The following DENND3 variants were observed in gnomAD, a reference collection of about 807,000 sequenced individuals.
DENND3 encodes DENN domain containing 3, also known as DENN domain-containing protein 3.
DENND3 carries 88 observed loss-of-function variants against 135.1 expected under a neutral mutation model. That is an observed-to-expected ratio of 0.65 (90% CI 0.55 to 0.78). The LOEUF is 0.78. DENND3 is among the 30% of genes least tolerant of loss of function. The probability of loss-of-function intolerance (pLI) is 0.00; values close to 1 mark genes in which losing one functional copy is unlikely to be tolerated. For synonymous variants in DENND3, 693 were observed against 712.3 expected (o/e 0.97, Z 0.43); for missense variants, 1,392 against 1,688.4 (o/e 0.82, Z 3.08).
At chr8:141,183,521 G>A (rs1018265349) in intron 17 of DENND3, among the ~76,000 whole-genome samples, 22 of 151,060 alleles carry the variant, frequency 1.5e-4, no homozygotes, top group African/African-American at 4.4e-4. Context: ...ACTCCAAAGC[G>A]CTGGGTTAGA....
intron 7 of DENND3, 21 bp downstream of exon 7, chr8:141,151,858 C>T (rs170089): frequency 0.14 from 228,968 of 1,610,970 alleles, 25,856 homozygotes; most frequent in African/African-American, 0.51. Context: ...GAACCTTTGA[C>T]TTGGAATGCT....
chr8:141,168,617 C>T lies in DENND3; in HGVS notation c.2275+92C>T. 1 of 1,447,628 alleles carries T rather than the reference C, an allele frequency of 6.9e-7. No homozygotes were observed. Among genetic ancestry groups the T allele is most frequent in the Non-Finnish European group, 9.2e-7 (1 of 1,084,700 alleles). The allele number at this position is 1,447,628 out of a possible 1,614,324, so 89.7% of individuals were successfully genotyped here. A position where few individuals can be genotyped will look rare whatever the true frequency, so the allele number is the denominator to read the frequency against. Reference sequence around the variant, plus strand: ...GGCTGGAGTGGACTGGCAATCACAGCTCACTGCAACCTCCACCTCCTGGGC... The same window carrying T: ...GGCTGGAGTGGACTGGCAATCACAGTTCACTGCAACCTCCACCTCCTGGGC... On this transcript the variant is annotated intron_variant, in intron 13 of 22. Coordinates refer to ENST00000519811, the MANE Select transcript of DENND3 (RefSeq NM_001352890.3). This position sits in a 1 kb window ranked among gnomAD's most constrained non-coding sequence, Gnocchi z 6.2.
chr8:141,182,536 C>A lies in DENND3; in HGVS notation c.2944+1682C>A. On this transcript the variant is annotated intron_variant, in intron 17 of 22. Coordinates refer to ENST00000519811, the MANE Select transcript of DENND3 (RefSeq NM_001352890.3). The surrounding 1 kb of genome is among the most constrained non-coding windows in gnomAD (Gnocchi z 5.9). ...TCCCTGAAATGAAACTCACTCTGAG[C>A]TTCCTGTTGTGACGGGCGAGGAGTT... 1 of 967,654 alleles carries A rather than the reference C, an allele frequency of 1.0e-6. No individual in the cohort carries two copies. The highest frequency in any genetic ancestry group is 1.2e-6 in the Non-Finnish European group (1 of 813,826). The allele number at this position is 967,654 out of a possible 1,614,324, so 59.9% of individuals were successfully genotyped here.
chr8:141,140,750 G>C (rs930121755), intron 3 of DENND3, among the ~76,000 whole-genome samples: 1 of 152,170 alleles, frequency 6.6e-6, no homozygotes, highest in Non-Finnish European at 1.5e-5. Context: ...TTTGCCACTT[G>C]TAAGTTCCAC....
At chr8:141,145,698 G>A (rs952701212) in intron 5 of DENND3, among the ~76,000 whole-genome samples, 2 of 151,198 alleles carry the variant, frequency 1.3e-5, no homozygotes, top group African/African-American at 4.9e-5. Flanking sequence ...TCAGTTCATA[G>A]CTCCCTATGC....
chr8:141,140,140 T>C (rs1817275735), intron 3 of DENND3, among the ~76,000 whole-genome samples: 1 of 152,178 alleles, frequency 6.6e-6, no homozygotes, highest in African/African-American at 2.4e-5. Context: ...CTTGAACTAC[T>C]GGAATCCTGC....
At chr8:141,181,730 CAAAG>C (rs943894403) in intron 17 of DENND3, among the ~76,000 whole-genome samples, 5 of 151,318 alleles carry the variant, frequency 3.3e-5, no homozygotes, top group Non-Finnish European at 7.3e-5. Flanking sequence ...GTGTGGAAAA[CAAAG>C]GAATACAGTT....
intron 10 of DENND3, 27 bp from the exon 11 acceptor site, chr8:141,165,159 A>G (rs1432667506): frequency 6.3e-7 from 1 of 1,595,692 alleles, no homozygotes; most frequent in Admixed American, 1.7e-5. Flanking sequence ...GGCACAGCCC[A>G]GTGACCAGCC....
chr8:141,192,851 C>G (rs1479749625), intron 22 of DENND3, 188 bp downstream of exon 22: 2 of 1,538,630 alleles, frequency 1.3e-6, no homozygotes, highest in Admixed American at 3.9e-5. Flanking sequence ...GTGCTGGTTT[C>G]ATGGTGTGGT....
intron 6 of DENND3, 104 bp downstream of exon 6, chr8:141,151,057 A>C: frequency 2.1e-6 from 3 of 1,395,458 alleles, no homozygotes; most frequent in Non-Finnish European, 2.8e-6. Flanking sequence ...TCCACAATGC[A>C]CCGACTGGTA....
chr8:141,183,741 T>TG (rs1004351997), intron 17 of DENND3, among the ~76,000 whole-genome samples: 3 of 143,092 alleles, frequency 2.1e-5, no homozygotes, highest in African/African-American at 8.9e-5. Context: ...GTTTTGTTTT[T>TG]TTTTTTTTTT....
At chr8:141,159,982 TC>T (rs1424105384) in intron 8 of DENND3, among the ~76,000 whole-genome samples, 1 of 152,148 alleles carries the variant, frequency 6.6e-6, no homozygotes, top group Non-Finnish European at 1.5e-5. Context: ...GACTGTCCCT[TC>T]TAGGCAGCCA....
At chr8:141,149,921 T>C (rs971763764) in intron 5 of DENND3, among the ~76,000 whole-genome samples, 1 of 152,194 alleles carries the variant, frequency 6.6e-6, no homozygotes, top group African/African-American at 2.4e-5. Flanking sequence ...GAATACAGAC[T>C]TGGGAGACTG....
chr8:141,195,647 T>C lies in DENND3; in HGVS notation c.*1414T>C, dbSNP rs1055883267. ...TTGCAGCCCGGGCACCTTCCCACTT[T>C]CTAGCTCTGGAGAGGTTGGATTTTG... On this transcript the variant is annotated 3_prime_UTR_variant, in exon 23 of 23. Coordinates refer to ENST00000519811, the MANE Select transcript of DENND3 (RefSeq NM_001352890.3). 2 of 152,210 alleles carry C rather than the reference T, an allele frequency of 1.3e-5. No homozygotes were observed. Among genetic ancestry groups the C allele is most frequent in the African/African-American group, 4.8e-5 (2 of 41,454 alleles). The allele number at this position is 152,210 out of a possible 1,614,324, so 9.4% of individuals were successfully genotyped here.
chr8:141,157,759 CTTT>C lies in DENND3; in HGVS notation c.1196+1804_1196+1806del, dbSNP rs374868733. ...TGAAAAATGTTTAGGAAAACTACCT[CTTT>C]TTTTTTTTTTTTTTGGAGACAGGGT... On this transcript the variant is annotated intron_variant, in intron 8 of 22. Transcript: ENST00000519811. 1,831 of 929,090 alleles carry C rather than the reference CTTT, an allele frequency of 2.0e-3. 1 individual carries two copies. Among genetic ancestry groups the C allele is most frequent in the African/African-American group, 9.6e-3 (502 of 52,328 alleles). The allele number at this position is 929,090 out of a possible 1,614,324, so 57.6% of individuals were successfully genotyped here.
intron 14 of DENND3, chr8:141,176,129 C>CAT (rs755956399): frequency 3.2e-5 from 6 of 185,642 alleles, no homozygotes; most frequent in Non-Finnish European, 6.7e-5. Context: ...AGCCGCAGCC[C>CAT]ATAGTAAATG....
At chr8:141,187,271 T>TTGAC (rs919294659) in intron 18 of DENND3, among the ~76,000 whole-genome samples, 14 of 149,072 alleles carry the variant, frequency 9.4e-5, no homozygotes, top group Admixed American at 1.4e-4. Context: ...TTTTTTTTTT[T>TTGAC]TGACAGGGTC....
At chr8:141,160,171 G>A (rs1013641746) in intron 8 of DENND3, among the ~76,000 whole-genome samples, 1 of 139,078 alleles carries the variant, frequency 7.2e-6, no homozygotes, top group African/African-American at 2.7e-5. Context: ...GTCTTCCAGC[G>A]ATGTATTTTT....
rs546043232 is a variant in DENND3, at chr8:141,134,982, G to T, written c.103-1527G>T. The stretch of plus-strand genomic sequence containing the variant: ...CCCGGCCGAGTAGCTGGGACTGCAG[G>T]CATGCGCCACCAAGCCCGGCTAATT... On this transcript the variant is annotated intron_variant, in intron 1 of 22. Transcript: ENST00000519811. 4.6e-5 allele frequency among the ~76,000 whole-genome samples: 7 copies of T among 152,142 alleles called. No individual in the cohort carries two copies. In the South Asian group the frequency reaches 1.5e-3, roughly 32 times the overall value.
Sources: gnomAD v4.1 joint callset for allele counts (sites outside exome capture counted in the v4.1 genomes callset) on GRCh38, gnomAD v4.1.1 for gene constraint, Gnocchi (gnomAD v3.1) non-coding constraint, MANE v1.5 for transcripts, NCBI Gene and HGNC (gene_info 2026-07-23, HGNC 2026-07-21) for gene names.